ZC3H11A: variants seen among roughly 807,000 people sequenced by gnomAD.
ZC3H11A encodes zinc finger CCCH-type containing 11A.
A neutral mutation model predicts 90.8 loss-of-function variants in ZC3H11A; 22 were observed. That is an observed-to-expected ratio of 0.24 (90% CI 0.17 to 0.35). The LOEUF (loss-of-function observed/expected upper bound fraction) is 0.35, where lower values mean the gene tolerates loss of function less well. Among genes scored for constraint, ZC3H11A ranks in the 10% least tolerant of loss-of-function variants. The pLI is 1.00. For missense variants in ZC3H11A, 701 were observed against 964.9 expected (o/e 0.73, Z 3.62); for synonymous variants, 294 against 339.8 (o/e 0.87, Z 1.48).
At chr1:203,805,604 A>G in intron 2 of ZC3H11A, 2 of 642,534 alleles carry the variant, frequency 3.1e-6, no homozygotes, top group Non-Finnish European at 6.0e-6. Flanking sequence ...TACATGATGT[A>G]CTTAAATGCA....
At chr1:203,840,665 C>T (rs572200970) in intron 12 of ZC3H11A, among the ~76,000 whole-genome samples, 2 of 150,130 alleles carry the variant, frequency 1.3e-5, no homozygotes, top group African/African-American at 2.5e-5. Flanking sequence ...CAGAGTTTTG[C>T]TCTTGTTGCC....
intron 10 of ZC3H11A, among the ~76,000 whole-genome samples, chr1:203,836,507 T>C (rs1684390877): frequency 2.0e-5 from 3 of 152,168 alleles, no homozygotes; most frequent in African/African-American, 7.2e-5. Flanking sequence ...CCCAGCACTT[T>C]GAGAGGCTGA....
In ZC3H11A at chr1:203,802,241, T is replaced by C. The variant is rs1242622471; in HGVS notation, c.-921T>C. On this transcript the variant is annotated 5_prime_UTR_variant, in exon 2 of 18. Transcript: ENST00000367210. ...TACATCCATATTATACATAATGATA[T>C]ATGTGTAAGGATTTACCTTCGTCTT... The C allele has an allele frequency of 1.3e-5, 2 of 152,642 alleles. No individual in the cohort carries two copies. The highest frequency in any genetic ancestry group is 3.8e-4 in the East Asian group (2 of 5,200). The allele number at this position is 152,642 out of a possible 1,614,324, so 9.5% of individuals were successfully genotyped here.
intron 8 of ZC3H11A, 107 bp from the exon 9 acceptor site, chr1:203,831,554 A>AAT: frequency 1.2e-6 from 1 of 835,424 alleles, no homozygotes; most frequent in Middle Eastern, 3.5e-4. Flanking sequence ...TTATAGTCAT[A>AAT]ATATCAGTCT....
intron 1 of ZC3H11A, chr1:203,799,929 A>G: frequency 6.5e-7 from 1 of 1,536,136 alleles, no homozygotes; most frequent in Non-Finnish European, 8.7e-7. Context: ...CTGTAATTAT[A>G]TGGAATCTTC....
chr1:203,848,478 C>T (rs865868933), intron 14 of ZC3H11A, 71 bp downstream of exon 14: 1 of 1,160,446 alleles, frequency 8.6e-7, no homozygotes, highest in Admixed American at 2.3e-5. Flanking sequence ...TTTTACCTTA[C>T]AATAAATTTC....
At position 203,852,254 on chromosome 1, in the gene ZC3H11A, G is replaced by T. The variant is rs767342757; in HGVS notation, c.2288G>T (p.Gly763Val). ...CGCCGACTCAGCTCTGCCTCAACAG[G>T]AAAGCCCCCACTCTCTGTGGAGGAT... ...KTRRLSSAST[G>V]KPPLSVEDDF... The change falls in exon 18 of 18, where the codon GGA becomes GTA. Residue 763 changes from glycine to valine, a missense_variant. Gly to Val is a moderately radical substitution (Grantham distance 109). Transcript: ENST00000367210. 6 of 1,613,478 alleles carry T rather than the reference G, an allele frequency of 3.7e-6. No homozygotes were observed. Among genetic ancestry groups the T allele is most frequent in the Admixed American group, 1.7e-5 (1 of 59,942 alleles).
At chr1:203,807,674 A>G (rs1163269507) in intron 2 of ZC3H11A, among the ~76,000 whole-genome samples, 1 of 151,946 alleles carries the variant, frequency 6.6e-6, no homozygotes, top group Non-Finnish European at 1.5e-5. Flanking sequence ...CCACAGATGT[A>G]TGGACCATGC....
In ZC3H11A at chr1:203,854,121, A is replaced by G. The variant is rs1182132404; in HGVS notation, c.*1722A>G. On this transcript the variant is annotated 3_prime_UTR_variant, in exon 18 of 18. Transcript: ENST00000367210. The stretch of plus-strand genomic sequence containing the variant: ...GTTTTAAATAAAACTGATGTAGGAA[A>G]GTCTTGATGTTGTGAGCTAAGTAAT... 3.9e-5 allele frequency: 6 copies of G among 152,630 alleles called. No individual in the cohort carries two copies. In the East Asian group the frequency reaches 9.6e-4, roughly 24 times the overall value. 9.5% of individuals were successfully genotyped at this position (152,630 alleles called of 1,614,324 possible).
In ZC3H11A at chr1:203,799,882, A is replaced by T. The variant is rs1443933725; in HGVS notation, c.-1587-1693A>T. The stretch of plus-strand genomic sequence containing the variant: ...GAAGACTTTTTTCCTCAAGGTGCTG[A>T]TTTAGAAACTTATAAGCAGTTCCTT... On this transcript the variant is annotated intron_variant, in intron 1 of 17. Transcript: ENST00000367210. 3 of 1,536,002 alleles carry T rather than the reference A, an allele frequency of 2.0e-6. No homozygotes were observed. The East Asian group carries it at 7.3e-5, about 38-fold the overall frequency.
At chr1:203,822,742 C>T (rs1679198760) in intron 4 of ZC3H11A, among the ~76,000 whole-genome samples, 3 of 152,200 alleles carry the variant, frequency 2.0e-5, no homozygotes, top group African/African-American at 7.2e-5. Flanking sequence ...AACCCTCCAA[C>T]CCTCCGTGGG....
rs6702578 is a variant in ZC3H11A, at chr1:203,845,978, T to C, written c.1043-1206T>C. On this transcript the variant is annotated intron_variant, in intron 12 of 17. Coordinates refer to ENST00000367210, the MANE Select transcript of ZC3H11A (RefSeq NM_001376342.1). The stretch of plus-strand genomic sequence containing the variant: ...GTTTGGAAAGTGAGACAGAACACAG[T>C]ATATTTTAAGATTTCAGACTGGGTA... Among the ~76,000 whole-genome samples, 651 of 151,856 alleles carry C rather than the reference T, an allele frequency of 4.3e-3. 7 individuals carry two copies. Among genetic ancestry groups the C allele is most frequent in the African/African-American group, 0.015 (621 of 41,408 alleles).
At chr1:203,812,566 T>C (rs1004142607) in intron 2 of ZC3H11A, among the ~76,000 whole-genome samples, 1 of 150,530 alleles carries the variant, frequency 6.6e-6, no homozygotes, top group Non-Finnish European at 1.5e-5. Flanking sequence ...TTTTGGATTT[T>C]AGCCATTCTA....
At chr1:203,797,176 A>G in intron 1 of ZC3H11A, 1 of 169,126 alleles carries the variant, frequency 5.9e-6, no homozygotes, top group Non-Finnish European at 1.3e-5. Context: ...TGGATCTGGG[A>G]TTTGGAAGAC....
At chr1:203,847,090 C>G in intron 12 of ZC3H11A, 94 bp from the exon 13 acceptor site, 1 of 1,328,502 alleles carries the variant, frequency 7.5e-7, no homozygotes, top group South Asian at 1.4e-5. Flanking sequence ...TGATAGCTCT[C>G]TGTTGGACTG....
At chr1:203,851,213 C>G (rs901724307) in intron 17 of ZC3H11A, 89 bp downstream of exon 17, 2 of 1,174,478 alleles carry the variant, frequency 1.7e-6, no homozygotes, top group African/African-American at 1.6e-5. Flanking sequence ...ATAACTTTAG[C>G]AACATTCAAA....
At chr1:203,806,791 TA>T (rs1402821053) in intron 2 of ZC3H11A, among the ~76,000 whole-genome samples, 2 of 150,632 alleles carry the variant, frequency 1.3e-5, no homozygotes, top group Non-Finnish European at 3.0e-5. Context: ...CCTTACAATT[TA>T]CCAAGTTTTT....
Position 203,847,374 on chromosome 1 carries a change from T to G in ZC3H11A, c.1233T>G (p.Ala411=), listed in dbSNP as rs1369990432. The change falls in exon 13 of 18, where the codon GCT becomes GCG. Residue 411 remains alanine, a synonymous_variant. Coordinates refer to ENST00000367210, the MANE Select transcript of ZC3H11A (RefSeq NM_001376342.1). Reference sequence around the variant, plus strand: ...TCAAAACCTTCTCTGAGGTCCTGGCTGAAAAAAAACATCGGCAGCAGGAAG... The same window carrying G: ...TCAAAACCTTCTCTGAGGTCCTGGCGGAAAAAAAACATCGGCAGCAGGAAG... ...IRIKTFSEVL[A]EKKHRQQEAE... 6.2e-7 allele frequency: 1 copy of G among 1,613,676 alleles called. No homozygotes were observed. Among genetic ancestry groups the G allele is most frequent in the Admixed American group, 1.7e-5 (1 of 59,970 alleles).
At chr1:203,796,506 C>G in intron 1 of ZC3H11A, 1 of 398,984 alleles carries the variant, frequency 2.5e-6, no homozygotes, top group Non-Finnish European at 4.4e-6. Flanking sequence ...GGTGCGGATT[C>G]CTATGGGGAA....
Sources: gnomAD v4.1 joint callset for allele counts (sites outside exome capture counted in the v4.1 genomes callset) on GRCh38, gnomAD v4.1.1 for gene constraint, MANE v1.5 for transcripts, NCBI Gene and HGNC (gene_info 2026-07-23, HGNC 2026-07-21) for gene names.